The following LAMA2 variants were observed in gnomAD, a reference collection of about 807,000 sequenced individuals.
LAMA2 encodes the protein laminin subunit alpha-2.
LAMA2 carries 269 observed loss-of-function variants against 364.8 expected under a neutral mutation model. The observed-to-expected ratio is 0.74, with a 90% confidence interval of 0.67 to 0.82. The LOEUF (loss-of-function observed/expected upper bound fraction) is 0.82. Among genes scored for constraint, LAMA2 ranks in the 40% least tolerant of loss-of-function variants. The pLI is 0.00. For missense variants in LAMA2, 3,807 were observed against 3,873.2 expected (o/e 0.98, Z 0.45); for synonymous variants, 1,379 against 1,370.6 (o/e 1.01, Z -0.14).
chr6:129,146,557 G>A (rs757512421), intron 5 of LAMA2, among the ~76,000 whole-genome samples: 15 of 152,062 alleles, frequency 9.9e-5, no homozygotes, highest in Non-Finnish European at 1.6e-4. Context: ...AACAGTGTGC[G>A]TATGATTTGT....
In LAMA2 at chr6:129,172,088, C is replaced by A. The variant is rs879925674; in HGVS notation, c.1307-5618C>A. On this transcript the variant is annotated intron_variant, in intron 9 of 64. Coordinates refer to ENST00000421865, the MANE Select transcript of LAMA2 (RefSeq NM_000426.4). ...GTTATACATTCTTCTACATTTTTTT[C>A]AAAGTTTTCAACTTCTTTGCCTTTG... 2.0e-3 allele frequency among the ~76,000 whole-genome samples: 304 copies of A among 148,500 alleles called. 1 individual carries two copies. Among genetic ancestry groups the A allele is most frequent in the Non-Finnish European group, 3.6e-3 (245 of 67,190 alleles).
intron 15 of LAMA2, among the ~76,000 whole-genome samples, chr6:129,264,388 G>C (rs374930676): frequency 1.3e-5 from 2 of 151,944 alleles, no homozygotes. Context: ...GTGTGTGTGG[G>C]GGGGTGGGGG....
intron 40 of LAMA2, among the ~76,000 whole-genome samples, chr6:129,426,456 T>A (rs750102761): frequency 6.6e-6 from 1 of 152,050 alleles, no homozygotes; most frequent in Non-Finnish European, 1.5e-5. Context: ...TGTCATTAAT[T>A]TTGACACTCT....
chr6:129,059,947 T>C lies in LAMA2; in HGVS notation c.396+51T>C, dbSNP rs758618864. On this transcript the variant is annotated intron_variant, in intron 3 of 64. Transcript: ENST00000421865. Reference sequence around the variant, plus strand: ...TCCACTTTTGAAATTGCATTTTACATTTGCTATTTGTTTAGTTAGTGGTTT... The same window carrying C: ...TCCACTTTTGAAATTGCATTTTACACTTGCTATTTGTTTAGTTAGTGGTTT... 14 of 988,396 alleles carry C rather than the reference T, an allele frequency of 1.4e-5. No individual in the cohort carries two copies. In the African/African-American group the frequency reaches 1.9e-4, roughly 14 times the overall value. The allele number at this position is 988,396 out of a possible 1,614,324, so 61.2% of individuals were successfully genotyped here. A position where few individuals can be genotyped will look rare whatever the true frequency, so the allele number is the denominator to read the frequency against.
At chr6:128,934,364 A>G (rs1779683376) in intron 1 of LAMA2, among the ~76,000 whole-genome samples, 1 of 152,152 alleles carries the variant, frequency 6.6e-6, no homozygotes, top group African/African-American at 2.4e-5. Flanking sequence ...ATCAGGACCC[A>G]TGGTGCTTCT....
chr6:129,034,424 CCTACAAGAAAT>C (rs1472337549), intron 1 of LAMA2, among the ~76,000 whole-genome samples: 1 of 152,036 alleles, frequency 6.6e-6, no homozygotes, highest in East Asian at 1.9e-4. Flanking sequence ...CATTAGTGTT[CCTACAAGAAAT>C]CTGGATTATC....
rs760128108 is a variant in LAMA2 at position 129,270,671 on chromosome 6, T to C, written c.2370T>C (p.Pro790=). ...TGGPYCDKCL[P]GFYGEPTKGT... is the part of the protein sequence containing the mutation. Reference sequence around the variant, plus strand: ...GCCCATATTGTGATAAATGTCTTCCTGGTTTCTATGGCGAGCCTACTAAAG... The same window carrying C: ...GCCCATATTGTGATAAATGTCTTCCCGGTTTCTATGGCGAGCCTACTAAAG... Residue 790 remains proline (P), a synonymous_variant, in exon 17 of 65, where the codon CCT becomes CCC. Coordinates refer to ENST00000421865, the MANE Select transcript of LAMA2 (RefSeq NM_000426.4). 5 of 1,613,006 alleles carry C rather than the reference T, an allele frequency of 3.1e-6. No individual in the cohort carries two copies. In the African/African-American group the frequency reaches 6.7e-5, roughly 22 times the overall value.
At chr6:129,440,144 T>C (rs1782033461) in intron 42 of LAMA2, among the ~76,000 whole-genome samples, 1 of 152,062 alleles carries the variant, frequency 6.6e-6, no homozygotes, top group Non-Finnish European at 1.5e-5. Flanking sequence ...TCAGAGCCTA[T>C]GATCTTAACC....
intron 1 of LAMA2, among the ~76,000 whole-genome samples, chr6:128,938,419 C>A (rs1779964406): frequency 6.6e-6 from 1 of 152,138 alleles, no homozygotes; most frequent in Non-Finnish European, 1.5e-5. Flanking sequence ...TCACCACAAC[C>A]TTATAAAAAA....
chr6:129,346,710 C>T (rs1029941850), intron 30 of LAMA2, among the ~76,000 whole-genome samples: 5 of 152,104 alleles, frequency 3.3e-5, no homozygotes, highest in African/African-American at 9.7e-5. Context: ...AACAAAACGG[C>T]CTGTGTTTCC....
At chr6:129,477,304 GAA>G (rs10616348) in intron 53 of LAMA2, among the ~76,000 whole-genome samples, 42,591 of 151,876 alleles carry the variant, frequency 0.28, 6,793 homozygotes, top group African/African-American at 0.44. Context: ...GGACAGTGCA[GAA>G]AACAGACAAT....
At chr6:129,248,168 C>T (rs764066938) in intron 12 of LAMA2, among the ~76,000 whole-genome samples, 8 of 152,084 alleles carry the variant, frequency 5.3e-5, no homozygotes, top group Non-Finnish European at 7.4e-5. Flanking sequence ...CTAGGCTGCA[C>T]GCTCCTTATG....
intron 29 of LAMA2, among the ~76,000 whole-genome samples, chr6:129,336,544 A>G (rs1583523645): frequency 6.6e-6 from 1 of 152,216 alleles, no homozygotes; most frequent in Admixed American, 6.5e-5. Context: ...GTTACAATAA[A>G]CTTATGAGAT....
At chr6:128,902,939 G>C (rs1428947818) in intron 1 of LAMA2, among the ~76,000 whole-genome samples, 1 of 152,104 alleles carries the variant, frequency 6.6e-6, no homozygotes, top group Non-Finnish European at 1.5e-5. Flanking sequence ...ACTTTAAAGT[G>C]TTTAACTCAT....
intron 14 of LAMA2, among the ~76,000 whole-genome samples, chr6:129,253,360 C>T (rs1424343082): frequency 6.6e-6 from 1 of 152,200 alleles, no homozygotes; most frequent in Non-Finnish European, 1.5e-5. Flanking sequence ...ACACCACCAC[C>T]TCTCACCTCC....
At chr6:129,204,882 G>A (rs1448486458) in intron 12 of LAMA2, among the ~76,000 whole-genome samples, 2 of 152,170 alleles carry the variant, frequency 1.3e-5, no homozygotes, top group East Asian at 3.8e-4. Context: ...TGAATGAGCA[G>A]TTTATAGAGA....
chr6:129,280,988 C>A (rs1307053826), intron 18 of LAMA2, among the ~76,000 whole-genome samples: 2 of 152,070 alleles, frequency 1.3e-5, no homozygotes, highest in South Asian at 4.1e-4. Flanking sequence ...GCAGCTATCA[C>A]CCCTGTTTCA....
intron 1 of LAMA2, among the ~76,000 whole-genome samples, chr6:128,996,973 G>A (rs1783985703): frequency 6.6e-6 from 1 of 152,156 alleles, no homozygotes; most frequent in South Asian, 2.1e-4. Context: ...CATGTCCTTT[G>A]CAGGGACATG....
intron 1 of LAMA2, among the ~76,000 whole-genome samples, chr6:128,895,468 T>TAAAAA (rs34458994): frequency 3.0e-5 from 2 of 65,832 alleles, no homozygotes; most frequent in Non-Finnish European, 6.1e-5. Context: ...CTGTCTCTAC[T>TAAAAA]AAAAAAAAAA....
Sources: allele counts gnomAD v4.1 joint callset (sites outside exome capture counted in the v4.1 genomes callset), GRCh38; gene constraint gnomAD v4.1.1; transcripts MANE v1.5; gene names NCBI Gene and HGNC (gene_info 2026-07-23, HGNC 2026-07-21).